Variants in LGI1 observed in about 807,000 individuals in gnomAD.
LGI1 encodes the protein leucine-rich glioma-inactivated protein 1.
Under a neutral mutation model 57.7 loss-of-function variants are expected in LGI1, and 11 were observed. The observed-to-expected ratio is 0.19, with a 90% CI of 0.12 to 0.32. The LOEUF (loss-of-function observed/expected upper bound fraction) is 0.32, where lower values mean the gene tolerates loss of function less well. Ranked by LOEUF, LGI1 falls within the 10% of genes least tolerant of loss-of-function variation. The probability of loss-of-function intolerance (pLI) is 1.00; values close to 1 mark genes in which losing one functional copy is unlikely to be tolerated. For synonymous variants in LGI1, 222 were observed against 241.9 expected, an observed-to-expected ratio of 0.92 and a Z score of 0.76; for missense variants, 422 against 661.9, an observed-to-expected ratio of 0.64 and a Z score of 3.98.
At chr10:93,772,116 T>G (rs1280890124) in intron 2 of LGI1, 2 of 152,124 alleles carry the variant, frequency 1.3e-5, no homozygotes, top group East Asian at 3.8e-4. Flanking sequence ...AAAAAACTTT[T>G]AGCATCAAAA....
intron 6 of LGI1, 30 bp from the exon 7 acceptor site, chr10:93,793,154 TCA>T: frequency 6.4e-7 from 1 of 1,567,104 alleles, no homozygotes; most frequent in Non-Finnish European, 8.7e-7. Context: ...AGGTATTAGC[TCA>T]CAGTTACTTA....
At position 93,797,115 on chromosome 10, in the gene LGI1, T is replaced by C; in HGVS notation, c.986T>C (p.Ile329Thr). The change falls in exon 8 of 8, where the codon ATC (isoleucine) becomes ACC (threonine). Residue 329 changes from isoleucine (I) to threonine (T), a missense_variant. Around this residue, in one of 3 missense-constraint regions of LGI1, gnomAD observed 301 missense variants for 461.7 expected, o/e 0.65. Transcript: ENST00000371418. The surrounding 1 kb of genome is among the most constrained non-coding windows in gnomAD (Gnocchi z 6.5). ...ATCCAGGATATTGAAATTCTCAAAA[T>C]CCGAAAACCCAATGACATTGAAACA... ...IKIQDIEILK[I>T]RKPNDIETFK... 1 of 1,613,756 alleles carries C rather than the reference T, an allele frequency of 6.2e-7. No homozygotes were observed. The highest frequency in any genetic ancestry group is 8.5e-7 in the Non-Finnish European group (1 of 1,179,798).
intron 4 of LGI1, 62 bp from the exon 5 acceptor site, chr10:93,790,037 A>C: frequency 1.4e-6 from 2 of 1,479,848 alleles, no homozygotes; most frequent in Non-Finnish European, 1.8e-6. Context: ...AAGCTTTATC[A>C]TTAAATGCCT....
At chr10:93,789,855 G>C (rs904389901) in intron 4 of LGI1, 3 of 477,822 alleles carry the variant, frequency 6.3e-6, no homozygotes, top group Non-Finnish European at 1.1e-5. Context: ...CTGGGTGACA[G>C]AGCGAGACTT....
intron 5 of LGI1, chr10:93,790,844 T>G (rs10736083): frequency 1.3e-5 from 2 of 152,322 alleles, no homozygotes; most frequent in Non-Finnish European, 2.9e-5. Flanking sequence ...ATGCCTAAAC[T>G]TCTCAAAAGC....
In LGI1 at chr10:93,783,220, C is replaced by A. The variant is rs536096151; in HGVS notation, c.431+5603C>A. On this transcript the variant is annotated intron_variant, in intron 4 of 7. Coordinates refer to ENST00000371418, the MANE Select transcript of LGI1 (RefSeq NM_005097.4). ...TGAAACCCCATCTCTACTAAAAATA[C>A]AAAAAATTAGCTGGGCGTGGTGGCG... is the stretch of plus-strand genomic sequence containing the variant. 1.4e-4 allele frequency among the ~76,000 whole-genome samples: 21 copies of A among 152,002 alleles called. No homozygotes were observed. In the South Asian group the frequency reaches 4.4e-3, roughly 32 times the overall value.
intron 2 of LGI1, among the ~76,000 whole-genome samples, chr10:93,760,309 G>C (rs2059609317): frequency 6.6e-6 from 1 of 152,224 alleles, no homozygotes; most frequent in Non-Finnish European, 1.5e-5. Context: ...ATCCAAAAAA[G>C]ATAGATTCTT....
In LGI1 at chr10:93,797,507, T is replaced by A; in HGVS notation, c.1378T>A (p.Trp460Arg). ...CATTGGTGATTCCAAAGTCATGAAA[T>A]GGGGAGGCTCCTCGTTCCAGGATAT... ...RFIGDSKVMK[W>R]GGSSFQDIQR... Residue 460 changes from tryptophan to arginine, a missense_variant, in exon 8 of 8, where the codon TGG (tryptophan) becomes AGG (arginine). Trp to Arg is a moderately radical substitution (Grantham distance 101, BLOSUM62 -3). Around this residue, in one of 3 missense-constraint regions of LGI1, gnomAD observed 301 missense variants for 461.7 expected, o/e 0.65. Coordinates refer to ENST00000371418, the MANE Select transcript of LGI1 (RefSeq NM_005097.4). This position sits in a 1 kb window ranked among gnomAD's most constrained non-coding sequence, Gnocchi z 6.5. 1 of 1,614,168 alleles carries A rather than the reference T, an allele frequency of 6.2e-7. No homozygotes were observed. The highest frequency in any genetic ancestry group is 8.5e-7 in the Non-Finnish European group (1 of 1,180,012).
chr10:93,798,129 G>T lies in LGI1; in HGVS notation c.*326G>T. On this transcript the variant is annotated 3_prime_UTR_variant, in exon 8 of 8. Transcript: ENST00000371418. Reference sequence around the variant, plus strand: ...TTTATTCATGTGTACAGAAACAACTGCCAAATAAAATGTTTACATTTTCTT... The same window carrying T: ...TTTATTCATGTGTACAGAAACAACTTCCAAATAAAATGTTTACATTTTCTT... The T allele has an allele frequency of 3.4e-6, 1 of 291,664 alleles. No individual in the cohort carries two copies. The highest frequency in any genetic ancestry group is 6.5e-6 in the Non-Finnish European group (1 of 154,566). The allele number at this position is 291,664 out of a possible 1,614,324, so 18.1% of individuals were successfully genotyped here.
At position 93,793,176 on chromosome 10, in the gene LGI1, A is replaced by AT. The variant is rs1467827240; in HGVS notation, c.674-5dup. 11 of 1,605,172 alleles carry AT rather than the reference A, an allele frequency of 6.9e-6. No individual in the cohort carries two copies. In the Admixed American group the frequency reaches 1.2e-4, roughly 17 times the overall value. On this transcript the variant is annotated splice_polypyrimidine_tract_variant and intron_variant, in intron 6 of 7. Coordinates refer to ENST00000371418, the MANE Select transcript of LGI1 (RefSeq NM_005097.4). ...AGCTCACAGTTACTTATTATTTCCT[A>AT]TTTTTGCAGAATTTGCAAAGTCTCA... is the stretch of plus-strand genomic sequence containing the variant.
chr10:93,781,365 GTAAATAAA>G (rs35338658), intron 4 of LGI1, among the ~76,000 whole-genome samples: 6 of 148,316 alleles, frequency 4.0e-5, no homozygotes, highest in Non-Finnish European at 4.5e-5. Flanking sequence ...TCTCTAAGAA[GTAAATAAA>G]TAAATAAATA....
At chr10:93,783,567 A>C (rs1681910223) in intron 4 of LGI1, among the ~76,000 whole-genome samples, 1 of 152,012 alleles carries the variant, frequency 6.6e-6, no homozygotes. Context: ...GCTGGTGGGG[A>C]CTGCACTAGT....
intron 4 of LGI1, chr10:93,789,578 A>C (rs1305126772): frequency 6.3e-6 from 1 of 158,638 alleles, no homozygotes; most frequent in African/African-American, 2.4e-5. Flanking sequence ...TGTTGTTTTT[A>C]ACCAACATAA....
At chr10:93,792,508 G>A (rs901220395) in intron 5 of LGI1, 20 of 584,204 alleles carry the variant, frequency 3.4e-5, no homozygotes, top group African/African-American at 3.2e-4. Context: ...AGCCGCTTTG[G>A]AATTCAAGAG....
intron 5 of LGI1, chr10:93,790,416 C>T (rs1190752359): frequency 3.5e-5 from 17 of 485,392 alleles, no homozygotes; most frequent in South Asian, 5.7e-5. Context: ...TGTGTCAATA[C>T]GGCAGGGAGC....
chr10:93,788,061 T>C (rs1258382852), intron 4 of LGI1, among the ~76,000 whole-genome samples: 1 of 152,216 alleles, frequency 6.6e-6, no homozygotes, highest in African/African-American at 2.4e-5. Flanking sequence ...AAATTTATGC[T>C]CTGCAGCCAG....
intron 5 of LGI1, chr10:93,791,253 A>T (rs1012860358): frequency 2.0e-5 from 3 of 152,234 alleles, no homozygotes; most frequent in Non-Finnish European, 4.4e-5. Context: ...GGTTTACAGT[A>T]GCCTGAAAGG....
intron 4 of LGI1, among the ~76,000 whole-genome samples, chr10:93,787,182 A>C (rs998265897): frequency 3.3e-5 from 5 of 152,114 alleles, no homozygotes; most frequent in African/African-American, 1.2e-4. Context: ...ATGAAGCTTC[A>C]TTCTCTCTCC....
chr10:93,763,326 G>C (rs917296676), intron 2 of LGI1: 1 of 152,082 alleles, frequency 6.6e-6, no homozygotes, highest in African/African-American at 2.4e-5. Flanking sequence ...GCCCAAACAA[G>C]TTCTGCAGGA....
Sources: gnomAD v4.1 joint callset for allele counts (sites outside exome capture counted in the v4.1 genomes callset) on GRCh38, gnomAD v4.1.1 for gene constraint, gnomAD v4.1.1 regional missense constraint, Gnocchi (gnomAD v3.1) non-coding constraint, MANE v1.5 for transcripts, NCBI Gene and HGNC (gene_info 2026-07-23, HGNC 2026-07-21) for gene names.